The following ACTR1A variants were observed in gnomAD, a reference collection of about 807,000 sequenced individuals.
ACTR1A encodes the protein alpha-centractin.
A neutral mutation model predicts 50.7 loss-of-function variants in ACTR1A; 10 were observed. The observed-to-expected ratio is 0.20, with a 90% CI of 0.12 to 0.33. The LOEUF (loss-of-function observed/expected upper bound fraction) is 0.33, where lower values mean the gene tolerates loss of function less well. Among genes scored for constraint, ACTR1A ranks in the 10% least tolerant of loss-of-function variants. The probability of loss-of-function intolerance (pLI) is 1.00; values close to 1 mark genes in which losing one functional copy is unlikely to be tolerated. For synonymous variants in ACTR1A, 177 were observed against 184.2 expected, an observed-to-expected ratio of 0.96 and a Z score of 0.32; for missense variants, 253 against 491.7, an observed-to-expected ratio of 0.51 and a Z score of 4.59.
chr10:102,491,830 A>G (rs963976812), intron 1 of ACTR1A, among the ~76,000 whole-genome samples: 30 of 152,038 alleles, frequency 2.0e-4, no homozygotes, highest in African/African-American at 6.3e-4. Context: ...CAGTGGTGCA[A>G]TCTGGGCTCA....
chr10:102,479,801 C>A lies in ACTR1A; in HGVS notation c.*1062G>T. The A allele has an allele frequency of 1.5e-6, 1 of 683,940 alleles. No homozygotes were observed. The highest frequency in any genetic ancestry group is 2.1e-6 in the Non-Finnish European group (1 of 482,756). The allele number at this position is 683,940 out of a possible 1,614,324, so 42.4% of individuals were successfully genotyped here. A position where few individuals can be genotyped will look rare whatever the true frequency, so the allele number is the denominator to read the frequency against. ...CCCTCCCTTGCTTAGGGGCCTCTGC[C>A]AAAGAAAAATTTTACCTCCTGTTTC... On this transcript the variant is annotated 3_prime_UTR_variant, in exon 11 of 11. Transcript: ENST00000369905. The surrounding 1 kb of genome is among the most constrained non-coding windows in gnomAD (Gnocchi z 4.0).
intron 1 of ACTR1A, among the ~76,000 whole-genome samples, chr10:102,494,897 G>A (rs1398773994): frequency 6.6e-6 from 1 of 151,982 alleles, no homozygotes; most frequent in Non-Finnish European, 1.5e-5. Flanking sequence ...TGTAACCTCC[G>A]CCTCCTGGAT....
chr10:102,483,396 A>G (rs1318043787), intron 6 of ACTR1A: 2 of 355,836 alleles, frequency 5.6e-6, no homozygotes, highest in Non-Finnish European at 1.0e-5. Context: ...AGGCCCAGGC[A>G]TCTTTCTCCT....
chr10:102,490,608 G>A lies in ACTR1A; in HGVS notation c.54C>T (p.Ser18=), dbSNP rs778453652. 40 of 1,612,140 alleles carry A rather than the reference G, an allele frequency of 2.5e-5. No individual in the cohort carries two copies. The highest frequency in any genetic ancestry group is 9.4e-5 in the African/African-American group (7 of 74,840). Residue 18 remains serine, a synonymous_variant, in exon 2 of 11, where the codon TCC becomes TCT. Coordinates refer to ENST00000369905, the MANE Select transcript of ACTR1A (RefSeq NM_005736.4). ...CAGCAAAACCAGCTTTAATCACACC[G>A]GATCCCTGAGGAAAGAGGAGAGAGA... is the stretch of plus-strand genomic sequence containing the variant. The part of the protein sequence containing the change: ...ANQPVVIDNG[S]GVIKAGFAGD...
At chr10:102,493,097 C>CTCTAAG (rs2062202890) in intron 1 of ACTR1A, among the ~76,000 whole-genome samples, 2 of 149,894 alleles carry the variant, frequency 1.3e-5, no homozygotes, top group Non-Finnish European at 3.0e-5. Flanking sequence ...GAGCAGGAAT[C>CTCTAAG]TTTGCCAACA....
Position 102,502,709 on chromosome 10 carries a change from T to C in ACTR1A, c.-62A>G. On this transcript the variant is annotated 5_prime_UTR_variant, in exon 1 of 11. Coordinates refer to ENST00000369905, the MANE Select transcript of ACTR1A (RefSeq NM_005736.4). ...CAGCCGGGTCCGCCGCTAGCGCCAC[T>C]GACACGCATGCGCAGTCTAGCCGCC... 2.5e-6 allele frequency: 4 copies of C among 1,575,378 alleles called. No individual in the cohort carries two copies. In the South Asian group the frequency reaches 3.3e-5, roughly 13 times the overall value.
intron 1 of ACTR1A, among the ~76,000 whole-genome samples, chr10:102,494,474 C>T (rs935714968): frequency 2.0e-5 from 3 of 152,056 alleles, no homozygotes; most frequent in Non-Finnish European, 4.4e-5. Context: ...TACAAAAATA[C>T]AAAAATTAGC....
Position 102,480,594 on chromosome 10 carries a change from TGAG to T in ACTR1A, c.*266_*268del. 4.0e-6 allele frequency: 2 copies of T among 503,302 alleles called. No homozygotes were observed. The highest frequency in any genetic ancestry group is 7.2e-6 in the Non-Finnish European group (2 of 279,156). 31.2% of individuals were successfully genotyped at this position (503,302 alleles called of 1,614,324 possible). On this transcript the variant is annotated 3_prime_UTR_variant, in exon 11 of 11. Transcript: ENST00000369905. ...CCCCCACAGCCAGCCAGAGGCCACC[TGAG>T]GAGGGAGCACAGCCTCTGCCAGCGC... is the stretch of plus-strand genomic sequence containing the variant.
At chr10:102,491,467 G>A (rs1336052244) in intron 1 of ACTR1A, among the ~76,000 whole-genome samples, 1 of 152,196 alleles carries the variant, frequency 6.6e-6, no homozygotes, top group Non-Finnish European at 1.5e-5. Context: ...GGCAGAGCAC[G>A]ATGCTTTGGG....
intron 1 of ACTR1A, among the ~76,000 whole-genome samples, chr10:102,498,328 T>C (rs1017005912): frequency 6.6e-6 from 1 of 151,782 alleles, no homozygotes; most frequent in African/African-American, 2.4e-5. Context: ...CTCTCTCTTT[T>C]TTTTTTTTTA....
intron 2 of ACTR1A, 29 bp from the exon 3 acceptor site, chr10:102,489,167 T>G: frequency 6.6e-7 from 1 of 1,511,442 alleles, no homozygotes; most frequent in Non-Finnish European, 8.9e-7. Context: ...AGGACCATCA[T>G]TTTTCATTTC....
Position 102,479,981 on chromosome 10 carries a change from G to A in ACTR1A, c.*882C>T, listed in dbSNP as rs1432448442. On this transcript the variant is annotated 3_prime_UTR_variant, in exon 11 of 11. Transcript: ENST00000369905. This position sits in a 1 kb window ranked among gnomAD's most constrained non-coding sequence, Gnocchi z 4.0. ...TGTCAGCTCACCATCAGCTGGGAGA[G>A]GTGGGGCCCTGGAGGCTAAGCTTAG... is the stretch of plus-strand genomic sequence containing the variant. 1 of 234,832 alleles carries A rather than the reference G, an allele frequency of 4.3e-6. No homozygotes were observed. The highest frequency in any genetic ancestry group is 8.8e-6 in the Non-Finnish European group (1 of 113,416). 14.5% of individuals were successfully genotyped at this position (234,832 alleles called of 1,614,324 possible).
At chr10:102,494,959 C>T (rs973255009) in intron 1 of ACTR1A, among the ~76,000 whole-genome samples, 3 of 151,916 alleles carry the variant, frequency 2.0e-5, no homozygotes, top group African/African-American at 4.8e-5. Flanking sequence ...TACAGGTGTG[C>T]GCCACCACGC....
At chr10:102,496,974 T>C (rs1589965247) in intron 1 of ACTR1A, among the ~76,000 whole-genome samples, 1 of 152,020 alleles carries the variant, frequency 6.6e-6, no homozygotes, top group Non-Finnish European at 1.5e-5. Context: ...AGGCCAGAAG[T>C]TCGAGACCAG....
At chr10:102,499,966 G>C (rs2135590975) in intron 1 of ACTR1A, among the ~76,000 whole-genome samples, 1 of 152,338 alleles carries the variant, frequency 6.6e-6, no homozygotes, top group East Asian at 1.9e-4. Context: ...ACACAGAGGT[G>C]CCAGACCCTA....
chr10:102,496,135 C>T (rs1317038421), intron 1 of ACTR1A, among the ~76,000 whole-genome samples: 2 of 152,074 alleles, frequency 1.3e-5, no homozygotes, highest in Admixed American at 1.3e-4. Flanking sequence ...TTAATAAAGA[C>T]GGGGTTTCAC....
chr10:102,494,451 G>A (rs186727001), intron 1 of ACTR1A, among the ~76,000 whole-genome samples: 14 of 152,292 alleles, frequency 9.2e-5, no homozygotes, highest in African/African-American at 2.9e-4. Flanking sequence ...TGCACATGGC[G>A]AAACCCCGTC....
At chr10:102,481,063 A>G in intron 10 of ACTR1A, 69 bp downstream of exon 10, 1 of 1,590,366 alleles carries the variant, frequency 6.3e-7, no homozygotes, top group Non-Finnish European at 8.6e-7. Context: ...GCTTTTCTTT[A>G]GAGGGTGCTG....
chr10:102,489,396 C>T (rs1244663002), intron 2 of ACTR1A, among the ~76,000 whole-genome samples: 1 of 152,032 alleles, frequency 6.6e-6, no homozygotes, highest in Non-Finnish European at 1.5e-5. Flanking sequence ...TTTAATACCT[C>T]TAGTTCTTCT....
Sources: allele counts gnomAD v4.1 joint callset (sites outside exome capture counted in the v4.1 genomes callset), GRCh38; gene constraint gnomAD v4.1.1; non-coding constraint Gnocchi (gnomAD v3.1); transcripts MANE v1.5; gene names NCBI Gene and HGNC (gene_info 2026-07-23, HGNC 2026-07-21).